ULK4: variants seen among roughly 807,000 people sequenced by gnomAD.
ULK4 encodes inactive serine/threonine-protein kinase ULK4.
Under a neutral mutation model 160.6 loss-of-function variants are expected in ULK4, and 133 were observed. The observed-to-expected ratio is 0.83, with a 90% CI of 0.72 to 0.96. The LOEUF (loss-of-function observed/expected upper bound fraction) is 0.96. ULK4 is among the 40% of genes least tolerant of loss of function. The probability of loss-of-function intolerance (pLI) is 0.00; values close to 1 mark genes in which losing one functional copy is unlikely to be tolerated. For synonymous variants in ULK4, 534 were observed against 539.8 expected (o/e 0.99, Z 0.15); for missense variants, 1,580 against 1,499.5 (o/e 1.05, Z -0.89).
At chr3:41,815,034 G>T (rs776058381) in intron 19 of ULK4, among the ~76,000 whole-genome samples, 5 of 150,376 alleles carry the variant, frequency 3.3e-5, no homozygotes, top group Middle Eastern at 3.2e-3. Flanking sequence ...TCAGCCTCCC[G>T]AGTAGCTGGA....
At chr3:41,454,887 G>T (rs190994138) in intron 34 of ULK4, among the ~76,000 whole-genome samples, 2 of 151,674 alleles carry the variant, frequency 1.3e-5, no homozygotes, top group Non-Finnish European at 2.9e-5. Context: ...TAGTAGAGAC[G>T]GGGTTTCACC....
At chr3:41,448,179 C>T (rs189486352) in intron 34 of ULK4, among the ~76,000 whole-genome samples, 30 of 152,260 alleles carry the variant, frequency 2.0e-4, no homozygotes, top group Admixed American at 1.4e-3. Flanking sequence ...GGGACAGAGA[C>T]ATAAACAAGT....
intron 35 of ULK4, among the ~76,000 whole-genome samples, chr3:41,305,163 G>T (rs955456151): frequency 6.8e-6 from 1 of 146,648 alleles, no homozygotes; most frequent in African/African-American, 2.5e-5. Flanking sequence ...TAACTTGGAA[G>T]GTGATTCAAA....
At chr3:41,688,238 T>C (rs1488098535) in intron 27 of ULK4, among the ~76,000 whole-genome samples, 2 of 148,326 alleles carry the variant, frequency 1.3e-5, no homozygotes, top group African/African-American at 4.9e-5. Flanking sequence ...GAGTAGGACC[T>C]GAATCTGGCT....
chr3:41,643,781 G>C (rs556741776), intron 30 of ULK4, among the ~76,000 whole-genome samples: 1 of 152,130 alleles, frequency 6.6e-6, no homozygotes, highest in Non-Finnish European at 1.5e-5. Context: ...ATTACCTTGG[G>C]CAGTATGGCC....
intron 35 of ULK4, among the ~76,000 whole-genome samples, chr3:41,295,232 C>T (rs1158843796): frequency 2.6e-5 from 2 of 75,856 alleles, no homozygotes; most frequent in East Asian, 4.4e-4. Context: ...GTTGGAACAA[C>T]TGGATATCCA....
At chr3:41,345,220 T>C (rs1453046617) in intron 35 of ULK4, among the ~76,000 whole-genome samples, 1 of 152,202 alleles carries the variant, frequency 6.6e-6, no homozygotes, top group African/African-American at 2.4e-5. Context: ...GCGTGGCAAT[T>C]CCTCAAAGAC....
rs536028780 is a variant in ULK4 at position 41,800,201 on chromosome 3, T to C, written c.1941A>G (p.Glu647=). 3.5e-5 allele frequency: 57 copies of C among 1,613,864 alleles called. No homozygotes were observed. The South Asian group carries it at 5.8e-4, about 16-fold the overall frequency. The change falls in exon 20 of 37, where the codon GAA becomes GAG. Residue 647 remains glutamate (E), a synonymous_variant. Coordinates refer to ENST00000301831, the MANE Select transcript of ULK4 (RefSeq NM_017886.4). ...ATAGGTACCACAAAATGGGTCCTAT[T>C]TCTCCTGTAATAAAGCCCTGGGACT... The part of the protein sequence containing the change: ...SAQSQGFITG[E]IGPILWYLFR...
intron 1 of ULK4, among the ~76,000 whole-genome samples, chr3:41,959,049 G>A (rs372364507): frequency 2.5e-3 from 378 of 151,802 alleles, no homozygotes; most frequent in African/African-American, 8.0e-3. Context: ...CCAACATGGC[G>A]AAACCCCATC....
chr3:41,768,296 G>T (rs1231811695), intron 21 of ULK4, among the ~76,000 whole-genome samples: 1 of 152,108 alleles, frequency 6.6e-6, no homozygotes, highest in African/African-American at 2.4e-5. Context: ...AATAACAAGA[G>T]ATTTGTTAAG....
At chr3:41,872,756 T>C (rs1452375240) in intron 17 of ULK4, among the ~76,000 whole-genome samples, 1 of 151,694 alleles carries the variant, frequency 6.6e-6, no homozygotes, top group Non-Finnish European at 1.5e-5. Context: ...TTGGGAGAAG[T>C]ATAAATTCAC....
At chr3:41,715,670 A>C (rs1474032526) in intron 23 of ULK4, 102 bp from the exon 24 acceptor site, 21 of 1,440,428 alleles carry the variant, frequency 1.5e-5, no homozygotes, top group Non-Finnish European at 2.0e-5. Flanking sequence ...AAGGTAATTA[A>C]TCTCCAAATA....
intron 34 of ULK4, among the ~76,000 whole-genome samples, chr3:41,422,957 A>C (rs2082694175): frequency 6.6e-6 from 1 of 152,240 alleles, no homozygotes; most frequent in Non-Finnish European, 1.5e-5. Context: ...GAATCAAATA[A>C]ACCATTGTAC....
At chr3:41,510,963 C>T (rs896925174) in intron 32 of ULK4, among the ~76,000 whole-genome samples, 2 of 151,768 alleles carry the variant, frequency 1.3e-5, no homozygotes, top group African/African-American at 4.9e-5. Flanking sequence ...GAGATCGAGA[C>T]CATCCTGGCT....
chr3:41,276,908 CCTCA>C (rs764885028), intron 35 of ULK4, among the ~76,000 whole-genome samples: 4 of 152,048 alleles, frequency 2.6e-5, no homozygotes, highest in Non-Finnish European at 5.9e-5. Context: ...ATCCAAATAA[CCTCA>C]CTAAGAAACA....
At chr3:41,845,164 A>G (rs1478453064) in intron 17 of ULK4, among the ~76,000 whole-genome samples, 1 of 152,004 alleles carries the variant, frequency 6.6e-6, no homozygotes, top group East Asian at 1.9e-4. Flanking sequence ...ATGGGGTTTC[A>G]CCGTGTTAGC....
chr3:41,453,216 C>T (rs886938759), intron 34 of ULK4, among the ~76,000 whole-genome samples: 2 of 152,094 alleles, frequency 1.3e-5, no homozygotes, highest in Non-Finnish European at 2.9e-5. Context: ...CACTCTTTTG[C>T]CCAGGCTAGA....
At chr3:41,485,821 C>A (rs972001122) in intron 32 of ULK4, among the ~76,000 whole-genome samples, 2 of 152,206 alleles carry the variant, frequency 1.3e-5, no homozygotes, top group Non-Finnish European at 2.9e-5. Context: ...TGAAGTCACA[C>A]TGAAATCAAT....
At position 41,545,552 on chromosome 3, in the gene ULK4, T is replaced by G. The variant is rs566745289; in HGVS notation, c.3226+20473A>C. Among the ~76,000 whole-genome samples, 6 of 152,290 alleles carry G rather than the reference T, an allele frequency of 3.9e-5. No homozygotes were observed. In the East Asian group the frequency reaches 9.7e-4, roughly 24 times the overall value. ...ATATATAATTTTTCTGTGAATATTTTTAAGATTTTACCTCCAATTTTTAGG... is the reference window on the plus strand; with the variant it reads ...ATATATAATTTTTCTGTGAATATTTGTAAGATTTTACCTCCAATTTTTAGG... On this transcript the variant is annotated intron_variant, in intron 32 of 36. Transcript: ENST00000301831.
Sources: gnomAD v4.1 joint callset for allele counts (sites outside exome capture counted in the v4.1 genomes callset) on GRCh38, gnomAD v4.1.1 for gene constraint, MANE v1.5 for transcripts, NCBI Gene and HGNC (gene_info 2026-07-23, HGNC 2026-07-21) for gene names.